Variants in SHANK2 observed in about 807,000 individuals in gnomAD.
The protein encoded by SHANK2 is SH3 and multiple ankyrin repeat domains protein 2.
SHANK2 carries 43 observed loss-of-function variants against 133.7 expected under a neutral mutation model. The observed-to-expected ratio is 0.32, with a 90% CI of 0.25 to 0.41. The LOEUF (loss-of-function observed/expected upper bound fraction) is 0.41, where lower values mean the gene tolerates loss of function less well. Ranked by LOEUF, SHANK2 falls within the 10% of genes least tolerant of loss-of-function variation. SHANK2 has a pLI of 1.00. For missense variants in SHANK2, 1,994 were observed against 2,235.8 expected (o/e 0.89, Z 2.18); for synonymous variants, 1,017 against 952.8 (o/e 1.07, Z -1.24).
At chr11:71,221,904 T>G (rs183819389) in intron 2 of SHANK2, among the ~76,000 whole-genome samples, 142 of 152,108 alleles carry the variant, frequency 9.3e-4, no homozygotes, top group African/African-American at 3.2e-3. Flanking sequence ...GATCAATGAA[T>G]GGGGGTCTGA....
intron 2 of SHANK2, among the ~76,000 whole-genome samples, chr11:71,223,946 C>A (rs1954599606): frequency 6.6e-6 from 1 of 152,184 alleles, no homozygotes; most frequent in African/African-American, 2.4e-5. Flanking sequence ...CTGGACCACA[C>A]AGATCTGTCT....
At chr11:71,218,242 T>G (rs1954456055) in intron 2 of SHANK2, among the ~76,000 whole-genome samples, 1 of 149,988 alleles carries the variant, frequency 6.7e-6, no homozygotes, top group Non-Finnish European at 1.5e-5. Flanking sequence ...ATTGAAGAAA[T>G]TCTTCTAATT....
intron 12 of SHANK2, among the ~76,000 whole-genome samples, chr11:70,816,608 A>T (rs1189093995): frequency 3.3e-5 from 5 of 152,216 alleles, no homozygotes; most frequent in African/African-American, 1.2e-4. Context: ...CAGGAATAGT[A>T]AGGCAGGCGC....
At position 70,830,945 on chromosome 11, in the gene SHANK2, T is replaced by A. The variant is rs2135397409; in HGVS notation, c.1175-10263A>T. Among the ~76,000 whole-genome samples, 1 of 152,238 alleles carries A rather than the reference T, an allele frequency of 6.6e-6. No individual in the cohort carries two copies. The highest frequency in any genetic ancestry group is 2.1e-4 in the South Asian group (1 of 4,818). ...CCCTTCCTTCTGCCTTTAGACCCAC[T>A]GTTCCTATAGGGGTCCTGCGTGGAG... On this transcript the variant is annotated intron_variant, in intron 11 of 25. Transcript: ENST00000601538. The surrounding 1 kb of genome is among the most constrained non-coding windows in gnomAD (Gnocchi z 4.4).
chr11:70,674,060 C>T (rs1442354586), intron 15 of SHANK2, among the ~76,000 whole-genome samples: 1 of 152,162 alleles, frequency 6.6e-6, no homozygotes, highest in Admixed American at 6.5e-5. Context: ...GTTCTTACTC[C>T]TAGTTCCCAC....
intron 14 of SHANK2, among the ~76,000 whole-genome samples, chr11:70,716,617 G>A (rs935898873): frequency 2.0e-5 from 3 of 152,034 alleles, no homozygotes; most frequent in South Asian, 4.2e-4. Context: ...AAGACCACCC[G>A]CCCTCCGCCC....
At chr11:70,661,794 G>C in intron 15 of SHANK2, 116 bp from the exon 16 acceptor site, 1 of 1,613,126 alleles carries the variant, frequency 6.2e-7, no homozygotes, top group Non-Finnish European at 8.5e-7. Context: ...CAGCTCGCCA[G>C]ATCCAGGCAG....
At chr11:70,599,951 GAAAGAA>G (rs1565166653) in intron 17 of SHANK2, among the ~76,000 whole-genome samples, 1 of 132,486 alleles carries the variant, frequency 7.5e-6, no homozygotes, top group Non-Finnish European at 1.6e-5. Context: ...AAGAAAGAAA[GAAAGAA>G]AGAAAGAAAG....
chr11:70,494,826 T>A (rs368828909), intron 21 of SHANK2, among the ~76,000 whole-genome samples: 3 of 152,040 alleles, frequency 2.0e-5, no homozygotes. Flanking sequence ...CCCACAGCAC[T>A]CTCTCCCTTC....
At position 70,702,389 on chromosome 11, in the gene SHANK2, C is replaced by T. The variant is rs564793065; in HGVS notation, c.1778-3626G>A. Among the ~76,000 whole-genome samples the T allele has an allele frequency of 5.5e-4, 84 of 152,052 alleles. 1 individual carries two copies. The highest frequency in any genetic ancestry group is 6.0e-4 in the Non-Finnish European group (41 of 67,974). ...TCATCACCACCAACACCACCACCAT[C>T]ATCACCACCATCCTCTTCACCATCA... On this transcript the variant is annotated intron_variant, in intron 14 of 25. Coordinates refer to ENST00000601538, the MANE Select transcript of SHANK2 (RefSeq NM_012309.5).
intron 17 of SHANK2, among the ~76,000 whole-genome samples, chr11:70,557,632 G>T (rs1446301725): frequency 2.6e-5 from 4 of 152,124 alleles, no homozygotes; most frequent in African/African-American, 7.2e-5. Context: ...GGGCCTGGGG[G>T]AGCTGTGGGT....
intron 17 of SHANK2, among the ~76,000 whole-genome samples, chr11:70,574,192 C>G (rs915848941): frequency 2.0e-5 from 3 of 152,262 alleles, no homozygotes; most frequent in Admixed American, 2.0e-4. Context: ...CTCAGTTTAC[C>G]CTGCTGATCA....
At position 71,133,423 on chromosome 11, in the gene SHANK2, T is replaced by TGAAG. The variant is rs1952368052; in HGVS notation, c.207+13696_207+13697insCTTC. Among the ~76,000 whole-genome samples the TGAAG allele has an allele frequency of 4.7e-5, 4 of 85,632 alleles. No individual in the cohort carries two copies. The South Asian group carries it at 1.9e-3, about 41-fold the overall frequency. The allele number at this position is 85,632 out of a possible 152,430, so 56.2% of individuals were successfully genotyped here. A position where few individuals can be genotyped will look rare whatever the true frequency, so the allele number is the denominator to read the frequency against. ...ATGGAGGGAAGGATGGATGGACAGATGGAGGGAGGGAGGGAGGGACGGACG... is the reference window on the plus strand; with the variant it reads ...ATGGAGGGAAGGATGGATGGACAGATGAAGGGAGGGAGGGAGGGAGGGACGGACG... On this transcript the variant is annotated intron_variant, in intron 3 of 25. Transcript: ENST00000601538.
intron 11 of SHANK2, among the ~76,000 whole-genome samples, chr11:70,831,183 C>G (rs781963371): frequency 9.9e-5 from 15 of 152,034 alleles, no homozygotes; most frequent in Non-Finnish European, 2.1e-4. Flanking sequence ...GCCCGCACAC[C>G]CACCCGTCCC....
chr11:71,128,976 G>A (rs1952241447), intron 3 of SHANK2, among the ~76,000 whole-genome samples: 1 of 152,158 alleles, frequency 6.6e-6, no homozygotes, highest in Non-Finnish European at 1.5e-5. Context: ...GTAGAGACAG[G>A]GTTTCGCCAT....
chr11:70,816,253 G>A (rs1948394575), intron 12 of SHANK2, among the ~76,000 whole-genome samples: 1 of 152,258 alleles, frequency 6.6e-6, no homozygotes, highest in Admixed American at 6.5e-5. Context: ...ACTTTACACA[G>A]GAGAAAACAG....
At chr11:70,664,635 G>A (rs1311865677) in intron 15 of SHANK2, among the ~76,000 whole-genome samples, 2 of 152,212 alleles carry the variant, frequency 1.3e-5, no homozygotes, top group Non-Finnish European at 2.9e-5. Context: ...AGCTCCTCCT[G>A]CAGTGCCCAA....
chr11:70,745,022 G>A (rs1045586571), intron 14 of SHANK2, among the ~76,000 whole-genome samples: 4 of 152,202 alleles, frequency 2.6e-5, no homozygotes, highest in Admixed American at 6.5e-5. Flanking sequence ...CAGCATCTGC[G>A]GCAGCACCAG....
intron 10 of SHANK2, among the ~76,000 whole-genome samples, chr11:70,899,136 TG>T (rs1165957792): frequency 6.6e-6 from 1 of 152,162 alleles, no homozygotes; most frequent in African/African-American, 2.4e-5. Flanking sequence ...TGAGATGGTT[TG>T]TGTGTGTCCC....
Sources: allele counts gnomAD v4.1 joint callset (sites outside exome capture counted in the v4.1 genomes callset), GRCh38; gene constraint gnomAD v4.1.1; non-coding constraint Gnocchi (gnomAD v3.1); transcripts MANE v1.5; gene names NCBI Gene and HGNC (gene_info 2026-07-23, HGNC 2026-07-21).